Variants in FHIT observed in about 807,000 individuals in gnomAD.
The protein encoded by FHIT is bis(5'-adenosyl)-triphosphatase.
Under a neutral mutation model 17.9 loss-of-function variants are expected in FHIT, and 19 were observed. That is an observed-to-expected ratio of 1.06 (90% CI 0.74 to 1.56). The LOEUF is 1.56. Ranked by LOEUF, FHIT falls within the 40% of genes most tolerant of loss-of-function variation. The pLI is 0.00. For synonymous variants in FHIT, 81 were observed against 69.7 expected (o/e 1.16, Z -0.81); for missense variants, 248 against 189.2 (o/e 1.31, Z -1.82).
chr3:60,480,152 G>C (rs958022622), intron 5 of FHIT, among the ~76,000 whole-genome samples: 1 of 152,106 alleles, frequency 6.6e-6, no homozygotes, highest in Non-Finnish European at 1.5e-5. Context: ...ACAGTGGCAG[G>C]AGAGAAAGAG....
intron 8 of FHIT, among the ~76,000 whole-genome samples, chr3:59,830,015 G>A (rs895955812): frequency 2.0e-5 from 3 of 152,100 alleles, no homozygotes; most frequent in Admixed American, 1.3e-4. Flanking sequence ...GGTTGAGGCT[G>A]TAGTGAGCCA....
At chr3:60,847,601 CTTA>C (rs1702975726) in intron 3 of FHIT, among the ~76,000 whole-genome samples, 1 of 152,144 alleles carries the variant, frequency 6.6e-6, no homozygotes, top group South Asian at 2.1e-4. Flanking sequence ...TCCATTCATT[CTTA>C]TCTTGGAAAA....
intron 5 of FHIT, among the ~76,000 whole-genome samples, chr3:60,093,995 G>A (rs1413231047): frequency 6.6e-6 from 1 of 152,096 alleles, no homozygotes; most frequent in Non-Finnish European, 1.5e-5. Context: ...TATGTGTAAG[G>A]TGTGAGAATC....
intron 4 of FHIT, among the ~76,000 whole-genome samples, chr3:60,569,586 G>C (rs570079456): frequency 6.6e-6 from 1 of 151,448 alleles, no homozygotes; most frequent in Non-Finnish European, 1.5e-5. Context: ...GTGTCAGAAC[G>C]CCTGGGTTCT....
rs149350452 is a variant in FHIT, at chr3:60,704,247, C to T, written c.-18+117672G>A. Among the ~76,000 whole-genome samples, 900 of 152,234 alleles carry T rather than the reference C, an allele frequency of 5.9e-3. 7 individuals are homozygous for T. The highest frequency in any genetic ancestry group is 0.019 in the African/African-American group (800 of 41,558). Reference sequence around the variant, plus strand: ...TCACAATGAAACCTAGATGGTTTGTCTTCAAGTCATTTACTACTCCCCTAA... The same window carrying T: ...TCACAATGAAACCTAGATGGTTTGTTTTCAAGTCATTTACTACTCCCCTAA... On this transcript the variant is annotated intron_variant, in intron 4 of 9. Transcript: ENST00000492590.
At chr3:59,843,743 T>C (rs1701615020) in intron 8 of FHIT, among the ~76,000 whole-genome samples, 1 of 152,202 alleles carries the variant, frequency 6.6e-6, no homozygotes. Context: ...CTTATTGCTT[T>C]GTTGAATTCA....
chr3:61,208,627 G>A lies in FHIT; in HGVS notation c.-212-7962C>T, dbSNP rs935551209. Among the ~76,000 whole-genome samples the A allele has an allele frequency of 9.5e-4, 145 of 151,974 alleles. 3 individuals are homozygous for A. The highest frequency in any genetic ancestry group is 1.2e-3 in the Non-Finnish European group (79 of 67,952). On this transcript the variant is annotated intron_variant, in intron 1 of 9. Transcript: ENST00000492590. ...TTAAAGACTGTTTTATCAGTGACTA[G>A]GATTGCAAACCCTGCCTTTTTTTTT...
Position 60,256,105 on chromosome 3 carries a change from T to C in FHIT, c.104-241953A>G, listed in dbSNP as rs761019041. On this transcript the variant is annotated intron_variant, in intron 5 of 9. Coordinates refer to ENST00000492590, the MANE Select transcript of FHIT (RefSeq NM_002012.4). ...TCTTGAGCTCTGTAACCTCCATTGA[T>C]CTTACCAGTGGCTCAGCTAGCTCTC... 6.6e-5 allele frequency among the ~76,000 whole-genome samples: 10 copies of C among 152,200 alleles called. No homozygotes were observed. The South Asian group carries it at 2.1e-3, about 32-fold the overall frequency.
intron 8 of FHIT, among the ~76,000 whole-genome samples, chr3:59,790,427 C>A (rs1699498132): frequency 6.6e-6 from 1 of 152,038 alleles, no homozygotes; most frequent in African/African-American, 2.4e-5. Context: ...AATGAGCCAG[C>A]CAGCTAATTA....
rs146552065 is a variant in FHIT at position 60,409,075 on chromosome 3, CCTT to C, written c.103+127782_103+127784del. ...TTACTATTTATTTGATCCTCAGTCTCCTTCTCAGCAAAACAGGAGAGTACAGAT... is the reference window on the plus strand; with the variant it reads ...TTACTATTTATTTGATCCTCAGTCTCCTCAGCAAAACAGGAGAGTACAGAT... On this transcript the variant is annotated intron_variant, in intron 5 of 9. Transcript: ENST00000492590. Among the ~76,000 whole-genome samples the C allele has an allele frequency of 6.8e-4, 103 of 152,266 alleles. 1 individual carries two copies. The East Asian group carries it at 8.3e-3, about 12-fold the overall frequency.
At chr3:60,236,677 T>C (rs1287317168) in intron 5 of FHIT, among the ~76,000 whole-genome samples, 2 of 151,258 alleles carry the variant, frequency 1.3e-5, no homozygotes, top group Non-Finnish European at 2.9e-5. Flanking sequence ...TATTGTCTTG[T>C]TTTGCAAGGC....
chr3:61,072,777 A>G (rs190981914), intron 2 of FHIT, among the ~76,000 whole-genome samples: 2 of 152,298 alleles, frequency 1.3e-5, no homozygotes, highest in Admixed American at 1.3e-4. Context: ...CAAAAGTGCC[A>G]AGCTCATGAC....
At chr3:59,751,806 G>T (rs1409400565) in intron 9 of FHIT, 4 of 238,472 alleles carry the variant, frequency 1.7e-5, no homozygotes, top group Admixed American at 5.6e-5. Context: ...GGGAGGCAGA[G>T]AAAGCTGGTT....
chr3:60,880,202 C>G (rs897909470), intron 3 of FHIT, among the ~76,000 whole-genome samples: 2 of 152,032 alleles, frequency 1.3e-5, no homozygotes, highest in Admixed American at 6.6e-5. Context: ...CCTTATAGAC[C>G]AGGAAAGAAC....
chr3:60,760,896 G>A (rs1184855647), intron 4 of FHIT, among the ~76,000 whole-genome samples: 1 of 152,132 alleles, frequency 6.6e-6, no homozygotes, highest in Non-Finnish European at 1.5e-5. Context: ...CAATAGACCT[G>A]AGTGGCACAA....
rs551916657 is a variant in FHIT, at chr3:60,247,332, T to C, written c.104-233180A>G. Among the ~76,000 whole-genome samples, 292 of 151,454 alleles carry C rather than the reference T, an allele frequency of 1.9e-3. 3 individuals are homozygous for C. The highest frequency in any genetic ancestry group is 6.3e-3 in the African/African-American group (261 of 41,232). ...TGTGCCCTGAAGTTTAAGGCCAGCC[T>C]GGGCAAATATCACAAGACCTTGCAT... On this transcript the variant is annotated intron_variant, in intron 5 of 9. Coordinates refer to ENST00000492590, the MANE Select transcript of FHIT (RefSeq NM_002012.4).
intron 4 of FHIT, chr3:60,690,130 T>C (rs1313543995): frequency 1.5e-5 from 6 of 392,674 alleles, no homozygotes; most frequent in Non-Finnish European, 2.4e-5. Flanking sequence ...AGCACAAAGA[T>C]TCTAGGATAC....
At chr3:59,836,090 G>T (rs1332726799) in intron 8 of FHIT, among the ~76,000 whole-genome samples, 1 of 152,094 alleles carries the variant, frequency 6.6e-6, no homozygotes, top group African/African-American at 2.4e-5. Flanking sequence ...GCCCAAGATG[G>T]AGTCCTCCCC....
chr3:60,172,021 A>T (rs375009172), intron 5 of FHIT, among the ~76,000 whole-genome samples: 10 of 152,288 alleles, frequency 6.6e-5, no homozygotes, highest in African/African-American at 2.4e-4. Context: ...GAACATAATC[A>T]TGAACAAAAA....
Sources: gnomAD v4.1 joint callset for allele counts (sites outside exome capture counted in the v4.1 genomes callset) on GRCh38, gnomAD v4.1.1 for gene constraint, MANE v1.5 for transcripts, NCBI Gene and HGNC (gene_info 2026-07-23, HGNC 2026-07-21) for gene names.